Variants in RNF19B observed in about 807,000 individuals in gnomAD.
RNF19B encodes E3 ubiquitin-protein ligase RNF19B.
A neutral mutation model predicts 65.5 loss-of-function variants in RNF19B; 23 were observed. The ratio of observed to expected loss-of-function variants is 0.35; its 90% CI spans 0.25 to 0.50. RNF19B has a LOEUF of 0.50. Among genes scored for constraint, RNF19B ranks in the 20% least tolerant of loss-of-function variants. The pLI is 0.98. For missense variants in RNF19B, 794 were observed against 980.0 expected, an observed-to-expected ratio of 0.81 and a Z score of 2.53; for synonymous variants, 372 against 379.6, an observed-to-expected ratio of 0.98 and a Z score of 0.23.
Position 32,949,488 on chromosome 1 carries a change from C to A in RNF19B, c.841+81G>T, listed in dbSNP as rs536030842. On this transcript the variant is annotated intron_variant, in intron 2 of 8. Transcript: ENST00000235150. ...GATCCTTTGGAGTACTTGGGTTATA[C>A]AATAAGATAATTTCTTTCAGCTATG... The A allele has an allele frequency of 3.0e-5, 37 of 1,234,702 alleles. 1 individual carries two copies. In the South Asian group the frequency reaches 4.2e-4, roughly 14 times the overall value. The allele number at this position is 1,234,702 out of a possible 1,614,324, so 76.5% of individuals were successfully genotyped here. A position where few individuals can be genotyped will look rare whatever the true frequency, so the allele number is the denominator to read the frequency against.
chr1:32,959,443 G>T (rs549666934), intron 1 of RNF19B, among the ~76,000 whole-genome samples: 1 of 152,178 alleles, frequency 6.6e-6, no homozygotes, highest in East Asian at 1.9e-4. Context: ...CCTGACTTCG[G>T]GGTTTCTGAA....
intron 7 of RNF19B, among the ~76,000 whole-genome samples, chr1:32,939,378 G>T (rs1642180114): frequency 6.6e-6 from 1 of 152,030 alleles, no homozygotes; most frequent in Admixed American, 6.6e-5. Flanking sequence ...AGTAGAGATG[G>T]GGTTTTACCA....
At chr1:32,952,736 G>A (rs1642537128) in intron 1 of RNF19B, among the ~76,000 whole-genome samples, 1 of 138,210 alleles carries the variant, frequency 7.2e-6, no homozygotes, top group Admixed American at 7.8e-5. Context: ...GTGACAGTGT[G>A]AGACTCCATC....
intron 1 of RNF19B, among the ~76,000 whole-genome samples, chr1:32,959,862 C>T (rs1195806707): frequency 2.7e-5 from 4 of 149,162 alleles, no homozygotes; most frequent in Non-Finnish European, 5.9e-5. Flanking sequence ...ACGGTGAAAC[C>T]CCGTCTCTAC....
At position 32,946,403 on chromosome 1, in the gene RNF19B, T is replaced by C. The variant is rs1007501330; in HGVS notation, c.1145A>G (p.Lys382Arg). 4 of 1,613,516 alleles carry C rather than the reference T, an allele frequency of 2.5e-6. No homozygotes were observed. Among genetic ancestry groups the C allele is most frequent in the African/African-American group, 1.3e-5 (1 of 74,912 alleles). The change falls in exon 4 of 9, where the codon AAG (lysine) becomes AGG (arginine). Residue 382 changes from lysine to arginine, a missense_variant and splice_region_variant. Lys to Arg is a conservative substitution (Grantham distance 26, BLOSUM62 2). Transcript: ENST00000235150. ...VIGIPVYVGR[K>R]IHSRYEGRKT... ...CAGAAACCAGCATGTCTTTCTTACC[T>C]TCCTTCCAACATAAACAGGAATGCC...
At chr1:32,949,896 G>T in intron 1 of RNF19B, 122 bp from the exon 2 acceptor site, 1 of 704,938 alleles carries the variant, frequency 1.4e-6, no homozygotes, top group South Asian at 1.7e-5. Flanking sequence ...ACAGAGAAAA[G>T]AATACACATA....
At chr1:32,959,370 T>C (rs567615775) in intron 1 of RNF19B, among the ~76,000 whole-genome samples, 71 of 152,204 alleles carry the variant, frequency 4.7e-4, no homozygotes, top group Non-Finnish European at 9.7e-4. Context: ...GTCAGTCTCC[T>C]AGAGATTCTG....
Position 32,949,704 on chromosome 1 carries a change from C to T in RNF19B, c.706G>A (p.Glu236Lys), listed in dbSNP as rs757486387. The T allele has an allele frequency of 6.2e-7, 1 of 1,613,890 alleles. No homozygotes were observed. The highest frequency in any genetic ancestry group is 2.2e-5 in the East Asian group (1 of 44,848). ...ATCTGCTTGCAGTGGTAGCAGAACT[C>T]AGTCTGGCAACCTTCCCTCTCACAA... The part of the protein sequence containing the change: ...LTCEREGCQT[E>K]FCYHCKQIWH... Residue 236 changes from glutamate (E) to lysine (K), a missense_variant, in exon 2 of 9, where the codon GAG (glutamate) becomes AAG (lysine). By Grantham distance (56) the Glu-to-Lys change is moderately conservative. Around this residue, in one of 3 missense-constraint regions of RNF19B, gnomAD observed 374 missense variants for 423.8 expected, o/e 0.88. Coordinates refer to ENST00000235150, the MANE Select transcript of RNF19B (RefSeq NM_001300826.2).
chr1:32,945,802 G>C (rs897406046), intron 4 of RNF19B, among the ~76,000 whole-genome samples, 174 bp from the exon 5 acceptor site: 1 of 151,996 alleles, frequency 6.6e-6, no homozygotes, highest in Non-Finnish European at 1.5e-5. Flanking sequence ...AAGATATAAA[G>C]TAATACAGGC....
chr1:32,954,565 C>A (rs1642588751), intron 1 of RNF19B, among the ~76,000 whole-genome samples: 1 of 151,692 alleles, frequency 6.6e-6, no homozygotes, highest in Non-Finnish European at 1.5e-5. Flanking sequence ...ATGGTGAAAT[C>A]CCGTCTCAAC....
chr1:32,932,383 T>C (rs1031314760), downstream of RNF19B, among the ~76,000 whole-genome samples: 11 of 152,192 alleles, frequency 7.2e-5, no homozygotes, highest in Non-Finnish European at 1.2e-4. Context: ...GCAGGAGCAA[T>C]AGCCAAAGTA....
intron 1 of RNF19B, among the ~76,000 whole-genome samples, chr1:32,954,852 T>C (rs955456920): frequency 4.6e-5 from 7 of 152,026 alleles, no homozygotes; most frequent in Admixed American, 3.9e-4. Context: ...ATGTGAGACC[T>C]TGTCCTCAAA....
chr1:32,958,631 G>C (rs1196591606), intron 1 of RNF19B, among the ~76,000 whole-genome samples: 1 of 151,908 alleles, frequency 6.6e-6, no homozygotes, highest in Non-Finnish European at 1.5e-5. Flanking sequence ...CAGGAGAATA[G>C]CATGAACCCG....
At position 32,938,393 on chromosome 1, in the gene RNF19B, A is replaced by C. The variant is rs1465203193; in HGVS notation, c.1742+4T>G. 1 of 1,614,044 alleles carries C rather than the reference A, an allele frequency of 6.2e-7. No individual in the cohort carries two copies. The highest frequency in any genetic ancestry group is 2.2e-5 in the East Asian group (1 of 44,894). On this transcript the variant is annotated splice_donor_region_variant and intron_variant, in intron 8 of 8. Coordinates refer to ENST00000235150, the MANE Select transcript of RNF19B (RefSeq NM_001300826.2). ...CTCTCCTGGACATCTGACTGTTCAC[A>C]TACCTGTCCTGTGGGTTGTAGGAAC...
chr1:32,938,802 T>G (rs1293160332), intron 7 of RNF19B, among the ~76,000 whole-genome samples: 5 of 152,180 alleles, frequency 3.3e-5, no homozygotes, highest in Non-Finnish European at 7.3e-5. Context: ...CCCTCTCCAG[T>G]AGCCCTTAAG....
Position 32,936,831 on chromosome 1 carries a change from G to A in RNF19B, c.2171C>T (p.Pro724Leu), listed in dbSNP as rs1361340485. Residue 724 changes from proline (P) to leucine (L), a missense_variant, in exon 9 of 9, where the codon CCA becomes CTA. Pro to Leu is a moderately conservative substitution (Grantham distance 98, BLOSUM62 -3). Around this residue, in one of 3 missense-constraint regions of RNF19B, gnomAD observed 368 missense variants for 447.3 expected, o/e 0.82. Coordinates refer to ENST00000235150, the MANE Select transcript of RNF19B (RefSeq NM_001300826.2). ...TCATACTCTGGCTTCTCCACCTTCT[G>A]GCTTCAAGACAGTTTGTCCCTCGGC... ...ALAEGQTVLK[P>L]EGGEARV 6.3e-7 allele frequency: 1 copy of A among 1,576,006 alleles called. No homozygotes were observed. The highest frequency in any genetic ancestry group is 8.6e-7 in the Non-Finnish European group (1 of 1,157,036).
At position 32,964,092 on chromosome 1, in the gene RNF19B, G is replaced by A; in HGVS notation, c.594C>T (p.Ala198=). ...GGCACCAGCGGCAGTCGGGGTCCGA[G>A]GCTAGGTAGCGGCGCAGCATGAACT... is the stretch of plus-strand genomic sequence containing the variant. The part of the protein sequence containing the change: ...YEEFMLRRYL[A]SDPDCRWCPA... Residue 198 remains alanine (A), a synonymous_variant, in exon 1 of 9, where the codon GCC becomes GCT. Transcript: ENST00000235150. The surrounding 1 kb of genome is among the most constrained non-coding windows in gnomAD (Gnocchi z 6.5). 1 of 1,528,750 alleles carries A rather than the reference G, an allele frequency of 6.5e-7. No homozygotes were observed. Among genetic ancestry groups the A allele is most frequent in the Non-Finnish European group, 8.8e-7 (1 of 1,138,240 alleles). 94.7% of individuals were successfully genotyped at this position (1,528,750 alleles called of 1,614,324 possible). A position where few individuals can be genotyped will look rare whatever the true frequency, so the allele number is the denominator to read the frequency against.
In RNF19B at chr1:32,936,736, A is replaced by G; in HGVS notation, c.*70T>C. 1 of 1,320,254 alleles carries G rather than the reference A, an allele frequency of 7.6e-7. No individual in the cohort carries two copies. 81.8% of individuals were successfully genotyped at this position (1,320,254 alleles called of 1,614,324 possible). On this transcript the variant is annotated 3_prime_UTR_variant, in exon 9 of 9. Coordinates refer to ENST00000235150, the MANE Select transcript of RNF19B (RefSeq NM_001300826.2). Reference sequence around the variant, plus strand: ...ATACATAAATCTCTACCCCTTGGAAAAAAAAAAAAAAAAATTCCAAAAGAT... The same window carrying G: ...ATACATAAATCTCTACCCCTTGGAAGAAAAAAAAAAAAAATTCCAAAAGAT...
At chr1:32,938,328 T>C (rs1642156498) in intron 8 of RNF19B, 69 bp downstream of exon 8, 1 of 1,546,764 alleles carries the variant, frequency 6.5e-7, no homozygotes, top group Non-Finnish European at 8.9e-7. Flanking sequence ...CATGAGGCAT[T>C]GAACTTCTGA....
Sources: gnomAD v4.1 joint callset for allele counts (sites outside exome capture counted in the v4.1 genomes callset) on GRCh38, gnomAD v4.1.1 for gene constraint, gnomAD v4.1.1 regional missense constraint, Gnocchi (gnomAD v3.1) non-coding constraint, MANE v1.5 for transcripts, NCBI Gene and HGNC (gene_info 2026-07-23, HGNC 2026-07-21) for gene names.